Variants in RBM6 observed in about 807,000 individuals in gnomAD.
RBM6 encodes RNA-binding protein 6.
RBM6 carries 23 observed loss-of-function variants against 140.4 expected under a neutral mutation model. The observed-to-expected ratio is 0.16, with a 90% confidence interval of 0.12 to 0.23. The LOEUF (loss-of-function observed/expected upper bound fraction) is 0.23. Among genes scored for constraint, RBM6 ranks in the 10% least tolerant of loss-of-function variants. The pLI is 1.00. For synonymous variants in RBM6, 439 were observed against 475.6 expected (o/e 0.92, Z 1.00); for missense variants, 1,139 against 1,386.7 (o/e 0.82, Z 2.84).
intron 6 of RBM6, among the ~76,000 whole-genome samples, chr3:50,036,070 A>G (rs2088520859): frequency 6.6e-6 from 1 of 151,150 alleles, no homozygotes; most frequent in Admixed American, 6.6e-5. Flanking sequence ...CAATTTTTAT[A>G]TTTTTGGTAC....
chr3:49,975,286 G>A (rs774339483), intron 4 of RBM6, 37 bp from the exon 5 acceptor site: 1 of 1,482,742 alleles, frequency 6.7e-7, no homozygotes, highest in East Asian at 2.3e-5. Flanking sequence ...GTTTGATTAT[G>A]ATTTGTATCA....
Position 50,077,004 on chromosome 3 carries a change from A to G in RBM6, c.3247-4A>G. 1 of 1,606,262 alleles carries G rather than the reference A, an allele frequency of 6.2e-7. No individual in the cohort carries two copies. Among genetic ancestry groups the G allele is most frequent in the Non-Finnish European group, 8.5e-7 (1 of 1,177,592 alleles). ...CCACTTCATAGTTTGTCTTTGTTTT[A>G]CAGGCTGAAGGCCGGATGAGGGGCC... On this transcript the variant is annotated splice_region_variant and splice_polypyrimidine_tract_variant and intron_variant, in intron 20 of 20. Coordinates refer to ENST00000266022, the MANE Select transcript of RBM6 (RefSeq NM_005777.3).
At chr3:49,962,526 CT>C in intron 1 of RBM6, 49 bp from the exon 2 acceptor site, 1 of 882,038 alleles carries the variant, frequency 1.1e-6, no homozygotes. Context: ...ACTGGTTTAG[CT>C]TTTAGTTCAC....
chr3:50,052,141 G>A (rs969896901), intron 7 of RBM6, among the ~76,000 whole-genome samples: 2 of 152,114 alleles, frequency 1.3e-5, no homozygotes, highest in East Asian at 1.9e-4. Context: ...CTCGGCTCAC[G>A]ACAACCTCCA....
chr3:49,967,808 G>C lies in RBM6; in HGVS notation c.383G>C (p.Arg128Thr). ...RDIHSGDFRD[R>T]EGPPMDYRGG... ...ATACATTCTGGGGATTTTCGGGATA[G>C]AGAAGGACCACCTATGGACTATAGG... Residue 128 changes from arginine (R) to threonine (T), a missense_variant, in exon 3 of 21, where the codon AGA becomes ACA. By Grantham distance (71) the Arg-to-Thr change is moderately conservative. Coordinates refer to ENST00000266022, the MANE Select transcript of RBM6 (RefSeq NM_005777.3). This position sits in a 1 kb window ranked among gnomAD's most constrained non-coding sequence, Gnocchi z 4.0. 1 of 1,614,126 alleles carries C rather than the reference G, an allele frequency of 6.2e-7. No homozygotes were observed.
intron 4 of RBM6, among the ~76,000 whole-genome samples, chr3:49,974,985 T>G (rs887098175): frequency 6.6e-6 from 1 of 151,388 alleles, no homozygotes; most frequent in Non-Finnish European, 1.5e-5. Flanking sequence ...CCACGCCCGG[T>G]CTCTCCTGGC....
Position 50,065,122 on chromosome 3 carries a change from C to T in RBM6, c.2678C>T (p.Pro893Leu). 6.2e-7 allele frequency: 1 copy of T among 1,608,590 alleles called. No individual in the cohort carries two copies. The highest frequency in any genetic ancestry group is 1.3e-5 in the African/African-American group (1 of 74,902). Residue 893 changes from proline (P) to leucine (L), a missense_variant, in exon 16 of 21, where the codon CCT becomes CTT. By Grantham distance (98) the Pro-to-Leu change is moderately conservative. This residue lies in a region of RBM6 where 163 missense variants were observed against 182.8 expected (regional missense o/e 0.89). Transcript: ENST00000266022. ...ACTGTGAAGAAGGAAGAGAGTCCCC[C>T]TCCAGTAAGACCAACATTGATCCCC... ...PPTVKKEESPPPPKVVNPLIG... is the reference protein window; with the variant it reads ...PPTVKKEESPLPPKVVNPLIG...
At chr3:50,070,699 A>T (rs1314633393) in intron 19 of RBM6, 147 bp downstream of exon 19, 1 of 639,410 alleles carries the variant, frequency 1.6e-6, no homozygotes, top group African/African-American at 1.8e-5. Flanking sequence ...GGTCTATGCC[A>T]GCCTTTTTAC....
At position 49,968,037 on chromosome 3, in the gene RBM6, T is replaced by A. The variant is rs756667513; in HGVS notation, c.612T>A (p.Asp204Glu). The A allele has an allele frequency of 9.3e-6, 15 of 1,613,978 alleles. No individual in the cohort carries two copies. The highest frequency in any genetic ancestry group is 5.0e-5 in the Admixed American group (3 of 59,972). ...GGGGAAGGGATTTATCAGATTTGGATTTTAGGGCCAGAGAACAGTCCCGTT... is the reference window on the plus strand; with the variant it reads ...GGGGAAGGGATTTATCAGATTTGGAATTTAGGGCCAGAGAACAGTCCCGTT... ...DFRGRDLSDL[D>E]FRAREQSRSD... The change falls in exon 3 of 21, where the codon GAT (aspartate) becomes GAA (glutamate). Residue 204 changes from aspartate to glutamate, a missense_variant. This residue lies in a region of RBM6 where 566 missense variants were observed against 612.7 expected (regional missense o/e 0.92). Transcript: ENST00000266022.
At chr3:50,023,577 C>T (rs115832186) in intron 6 of RBM6, among the ~76,000 whole-genome samples, 1,835 of 151,568 alleles carry the variant, frequency 0.012, 24 homozygotes, top group African/African-American at 0.041. Flanking sequence ...AGTAGAATAC[C>T]GTGTTTTAAA....
intron 5 of RBM6, among the ~76,000 whole-genome samples, chr3:49,983,387 C>T (rs1242382771): frequency 6.6e-6 from 1 of 151,740 alleles, no homozygotes; most frequent in African/African-American, 2.4e-5. Flanking sequence ...AGCTACTCAA[C>T]AGTCCGAGAC....
At chr3:49,947,266 G>T (rs866932045) in intron 1 of RBM6, among the ~76,000 whole-genome samples, 2 of 57,210 alleles carry the variant, frequency 3.5e-5, no homozygotes, top group Admixed American at 2.8e-4. Flanking sequence ...AAAAAAAGGG[G>T]GGGGGGGGGG....
At chr3:49,946,074 A>G (rs1483381894) in intron 1 of RBM6, among the ~76,000 whole-genome samples, 4 of 151,920 alleles carry the variant, frequency 2.6e-5, no homozygotes, top group Non-Finnish European at 5.9e-5. Flanking sequence ...AACCTTGCTG[A>G]CACCTTGATC....
intron 6 of RBM6, among the ~76,000 whole-genome samples, chr3:50,003,550 T>C (rs913912730): frequency 1.3e-5 from 2 of 152,192 alleles, no homozygotes; most frequent in African/African-American, 4.8e-5. Flanking sequence ...CTTGTAGGCC[T>C]AGGGGATGGA....
chr3:49,982,771 G>A (rs956970489), intron 5 of RBM6, among the ~76,000 whole-genome samples: 2 of 151,564 alleles, frequency 1.3e-5, no homozygotes, highest in African/African-American at 4.9e-5. Flanking sequence ...AGGCTGGAGT[G>A]CAGTGGTGCA....
Position 49,968,238 on chromosome 3 carries a change from C to T in RBM6, c.813C>T (p.Gly271=). 3.7e-6 allele frequency: 6 copies of T among 1,613,950 alleles called. No homozygotes were observed. The highest frequency in any genetic ancestry group is 4.2e-6 in the Non-Finnish European group (5 of 1,180,002). Residue 271 remains glycine, a synonymous_variant, in exon 3 of 21, where the codon GGC becomes GGT. Coordinates refer to ENST00000266022, the MANE Select transcript of RBM6 (RefSeq NM_005777.3). ...CTAGGACTGATCAGGATTTTAGGGG[C>T]AGAGAGATGGGATCTTGTATGGAAT... The part of the protein sequence containing the change: ...HRSRTDQDFR[G]REMGSCMEFK...
At chr3:50,041,346 C>T (rs899881940) in intron 6 of RBM6, among the ~76,000 whole-genome samples, 1 of 152,192 alleles carries the variant, frequency 6.6e-6, no homozygotes, top group African/African-American at 2.4e-5. Flanking sequence ...GGCCAACAGG[C>T]AGAGCTATAG....
chr3:50,000,979 A>G (rs1383389753), intron 6 of RBM6, among the ~76,000 whole-genome samples: 4 of 152,188 alleles, frequency 2.6e-5, no homozygotes, highest in Non-Finnish European at 5.9e-5. Context: ...TCAGATCCTT[A>G]AAGAATGACA....
intron 19 of RBM6, among the ~76,000 whole-genome samples, chr3:50,071,402 A>G (rs1159494768): frequency 1.3e-5 from 2 of 152,200 alleles, no homozygotes; most frequent in African/African-American, 2.4e-5. Context: ...TTAGCTTTGC[A>G]TTTTGGAGAG....
Sources: gnomAD v4.1 joint callset for allele counts (sites outside exome capture counted in the v4.1 genomes callset) on GRCh38, gnomAD v4.1.1 for gene constraint, gnomAD v4.1.1 regional missense constraint, Gnocchi (gnomAD v3.1) non-coding constraint, MANE v1.5 for transcripts, NCBI Gene and HGNC (gene_info 2026-07-23, HGNC 2026-07-21) for gene names.